The following PUM3 variants were observed in gnomAD, a reference collection of about 807,000 sequenced individuals.
PUM3 encodes the protein pumilio RNA binding family member 3, also known as pumilio homolog 3.
In PUM3, 91 loss-of-function variants were observed where a neutral mutation model predicts 84.0. The observed-to-expected ratio is 1.08, with a 90% confidence interval of 0.91 to 1.29. PUM3 has a LOEUF of 1.29. Ranked by LOEUF, PUM3 falls within the 50% of genes most tolerant of loss-of-function variation. The pLI is 0.00. For synonymous variants in PUM3, 321 were observed against 266.7 expected, an observed-to-expected ratio of 1.20 and a Z score of -1.98; for missense variants, 1,067 against 767.5, an observed-to-expected ratio of 1.39 and a Z score of -4.61.
At chr9:2,833,238 C>T (rs568501888) in intron 5 of PUM3, 119 bp downstream of exon 5, 22 of 505,872 alleles carry the variant, frequency 4.3e-5, no homozygotes, top group African/African-American at 4.2e-4. Flanking sequence ...ATATTTAAAA[C>T]TTTTGGCCAA....
intron 17 of PUM3, among the ~76,000 whole-genome samples, chr9:2,806,872 G>C (rs1207055923): frequency 2.0e-5 from 3 of 152,068 alleles, no homozygotes; most frequent in Non-Finnish European, 4.4e-5. Context: ...TGATTTAAAA[G>C]TCAACATTGT....
chr9:2,827,901 G>A (rs561335709), intron 9 of PUM3, among the ~76,000 whole-genome samples: 2 of 152,210 alleles, frequency 1.3e-5, no homozygotes, highest in African/African-American at 2.4e-5. Context: ...ATTGCAGTTA[G>A]TAATAGTTGG....
chr9:2,812,327 G>A lies in PUM3; in HGVS notation c.1305C>T (p.Asp435=). Reference sequence around the variant, plus strand: ...ACAATAGGACCTTCCTTCCATATTTGTCATTTACTATGCTAGGCAATGAAC... The same window carrying A: ...ACAATAGGACCTTCCTTCCATATTTATCATTTACTATGCTAGGCAATGAAC... ...IISSLPSIVN[D]KYGRKVLLYL... Residue 435 remains aspartate, a synonymous_variant, in exon 14 of 18, where the codon GAC becomes GAT. Coordinates refer to ENST00000397885, the MANE Select transcript of PUM3 (RefSeq NM_014878.5). The A allele has an allele frequency of 6.3e-7, 1 of 1,592,010 alleles. No homozygotes were observed. The highest frequency in any genetic ancestry group is 8.6e-7 in the Non-Finnish European group (1 of 1,160,488).
intron 13 of PUM3, among the ~76,000 whole-genome samples, 200 bp from the exon 14 acceptor site, chr9:2,812,562 T>C (rs1563826475): frequency 6.6e-6 from 1 of 152,188 alleles, no homozygotes; most frequent in South Asian, 2.1e-4. Context: ...TGAATTGATA[T>C]CTACATTCTT....
At position 2,811,504 on chromosome 9, in the gene PUM3, C is replaced by T. The variant is rs546343746; in HGVS notation, c.1492G>A (p.Ala498Thr). The T allele has an allele frequency of 3.7e-6, 6 of 1,614,150 alleles. No individual in the cohort carries two copies. Among genetic ancestry groups the T allele is most frequent in the East Asian group, 2.2e-5 (1 of 44,872 alleles). ...GACTTATCTAGCACCACTTCTTGGG[C>T]GTGTTCTTGCAGGTAGCTTAACAAA... ...PALLSYLQEH[A>T]QEVVLDKSAC... Residue 498 changes from alanine (A) to threonine (T), a missense_variant, in exon 15 of 18, where the codon GCC (alanine) becomes ACC (threonine). Ala to Thr is a moderately conservative substitution (Grantham distance 58). Transcript: ENST00000397885.
At position 2,833,443 on chromosome 9, in the gene PUM3, GGA is replaced by G. The variant is rs773472352; in HGVS notation, c.441-13_441-12del. On this transcript the variant is annotated splice_polypyrimidine_tract_variant and intron_variant, in intron 4 of 17. Transcript: ENST00000397885. ...TTGTCACAGTCTTTTCTACAAATGA[GGA>G]GAGGAAGGAAACACAGTTGAAATAA... The G allele has an allele frequency of 1.4e-6, 2 of 1,447,706 alleles. No homozygotes were observed. The highest frequency in any genetic ancestry group is 1.9e-6 in the Non-Finnish European group (2 of 1,038,280). The allele number at this position is 1,447,706 out of a possible 1,614,324, so 89.7% of individuals were successfully genotyped here.
At chr9:2,817,916 T>C (rs1006677473) in intron 13 of PUM3, among the ~76,000 whole-genome samples, 1 of 152,226 alleles carries the variant, frequency 6.6e-6, no homozygotes, top group African/African-American at 2.4e-5. Context: ...CGACCATTGC[T>C]GTCAAACCGT....
In PUM3 at chr9:2,833,428, CT is replaced by C; in HGVS notation, c.444del (p.Asp149ThrfsTer8). The C allele has an allele frequency of 1.3e-6, 2 of 1,557,644 alleles. No individual in the cohort carries two copies. Among genetic ancestry groups the C allele is most frequent in the Non-Finnish European group, 8.8e-7 (1 of 1,134,098 alleles). Reference sequence around the variant, plus strand: ...TTTACTCTTTTTTCTTTGTCACAGTCTTTTCTACAAATGAGGAGAGGAAGGA... The same window carrying C: ...TTTACTCTTTTTTCTTTGTCACAGTCTTTCTACAAATGAGGAGAGGAAGGA... ...AKQMWEILRR[K>X]DCDKEKRVKL... On this transcript the variant is annotated frameshift_variant, in exon 5 of 18. Coordinates refer to ENST00000397885, the MANE Select transcript of PUM3 (RefSeq NM_014878.5). LOFTEE classifies it high-confidence loss of function.
intron 10 of PUM3, among the ~76,000 whole-genome samples, chr9:2,825,838 G>A (rs538996689): frequency 3.9e-5 from 6 of 152,120 alleles, no homozygotes; most frequent in Non-Finnish European, 7.4e-5. Context: ...ACTAACAAGT[G>A]CAGAGCTCCA....
At chr9:2,814,711 AAAAAACAAAAAC>A (rs954468406) in intron 13 of PUM3, among the ~76,000 whole-genome samples, 6 of 152,286 alleles carry the variant, frequency 3.9e-5, no homozygotes, top group South Asian at 2.1e-4. Context: ...TCTACAGTTT[AAAAAACAAAAAC>A]AAAAACAAAA....
In PUM3 at chr9:2,841,386, C is replaced by G. The variant is rs533982864; in HGVS notation, c.-11+2659G>C. Among the ~76,000 whole-genome samples, 13 of 152,124 alleles carry G rather than the reference C, an allele frequency of 8.5e-5. No homozygotes were observed. The South Asian group carries it at 2.5e-3, about 29-fold the overall frequency. On this transcript the variant is annotated intron_variant, in intron 1 of 17. Coordinates refer to ENST00000397885, the MANE Select transcript of PUM3 (RefSeq NM_014878.5). ...TTACCTGAGGTCAGGAGTTCAAGAC[C>G]AAACCCCATCTCTACTAAAAATACA...
chr9:2,834,995 A>T (rs1426636151), intron 3 of PUM3, among the ~76,000 whole-genome samples: 1 of 149,364 alleles, frequency 6.7e-6, no homozygotes, highest in Non-Finnish European at 1.5e-5. Context: ...CTGTCTCTAT[A>T]AAAAACTGGG....
chr9:2,841,042 G>A (rs1482610225), intron 1 of PUM3, among the ~76,000 whole-genome samples: 1 of 152,128 alleles, frequency 6.6e-6, no homozygotes, highest in Non-Finnish European at 1.5e-5. Context: ...TCATACTGAT[G>A]TTTCCAAATC....
chr9:2,817,385 AAAAAAC>A (rs1821494039), intron 13 of PUM3, among the ~76,000 whole-genome samples: 2 of 152,228 alleles, frequency 1.3e-5, no homozygotes, highest in Non-Finnish European at 2.9e-5. Flanking sequence ...AAAGGGTTTT[AAAAAAC>A]AAAAACAAAA....
chr9:2,843,892 T>G (rs921728283), intron 1 of PUM3, among the ~76,000 whole-genome samples, 153 bp downstream of exon 1: 9 of 152,150 alleles, frequency 5.9e-5, no homozygotes, highest in Non-Finnish European at 1.2e-4. Flanking sequence ...CCGCCCTTCT[T>G]GCCAGGCTCC....
At chr9:2,813,629 C>T (rs1210979016) in intron 13 of PUM3, among the ~76,000 whole-genome samples, 1 of 152,174 alleles carries the variant, frequency 6.6e-6, no homozygotes, top group East Asian at 1.9e-4. Flanking sequence ...ATCTGCTCTT[C>T]TTAAAAGGGC....
chr9:2,818,818 G>T (rs1279408569), intron 13 of PUM3, among the ~76,000 whole-genome samples: 1 of 152,140 alleles, frequency 6.6e-6, no homozygotes, highest in East Asian at 1.9e-4. Context: ...CACACACACT[G>T]GGACCTACGG....
At chr9:2,838,304 A>G (rs1391224421) in intron 2 of PUM3, 122 bp downstream of exon 2, 1 of 727,404 alleles carries the variant, frequency 1.4e-6, no homozygotes, top group Non-Finnish European at 2.5e-6. Context: ...ACACAATAAC[A>G]CATACTTCTT....
At position 2,824,730 on chromosome 9, in the gene PUM3, T is replaced by A. The variant is rs757550173; in HGVS notation, c.1121A>T (p.His374Leu). 5 of 1,553,846 alleles carry A rather than the reference T, an allele frequency of 3.2e-6. No homozygotes were observed. Among genetic ancestry groups the A allele is most frequent in the Non-Finnish European group, 3.5e-6 (4 of 1,140,850 alleles). Residue 374 changes from histidine to leucine, a missense_variant, in exon 11 of 18, where the codon CAT becomes CTT. By Grantham distance (99) the His-to-Leu change is moderately conservative. Coordinates refer to ENST00000397885, the MANE Select transcript of PUM3 (RefSeq NM_014878.5). ...GARVAMHCLW[H>L]GTPKDRKVIV... ...TGTCACACTTACCTTGGGCGTGCCA[T>A]GCCACAGGCAGTGCATGGCCACTCT... is the stretch of plus-strand genomic sequence containing the variant.
Sources: allele counts gnomAD v4.1 joint callset (sites outside exome capture counted in the v4.1 genomes callset), GRCh38; gene constraint gnomAD v4.1.1; transcripts MANE v1.5; gene names NCBI Gene and HGNC (gene_info 2026-07-23, HGNC 2026-07-21).